RAB3IP: variants seen among roughly 807,000 people sequenced by gnomAD.
RAB3IP encodes the protein rab-3A-interacting protein.
RAB3IP carries 36 observed loss-of-function variants against 59.1 expected under a neutral mutation model. That is an observed-to-expected ratio of 0.61 (90% CI 0.47 to 0.80). The LOEUF (loss-of-function observed/expected upper bound fraction) is 0.80, where lower values mean the gene tolerates loss of function less well. Among genes scored for constraint, RAB3IP ranks in the 30% least tolerant of loss-of-function variants. RAB3IP has a pLI of 0.00. For synonymous variants in RAB3IP, 207 were observed against 191.2 expected, an observed-to-expected ratio of 1.08 and a Z score of -0.68; for missense variants, 511 against 536.0, an observed-to-expected ratio of 0.95 and a Z score of 0.46.
intron 3 of RAB3IP, among the ~76,000 whole-genome samples, chr12:69,757,074 G>A (rs1870349588): frequency 6.6e-6 from 1 of 152,128 alleles, no homozygotes; most frequent in African/African-American, 2.4e-5. Flanking sequence ...AATATTTTCT[G>A]TATCTTACCT....
chr12:69,764,579 G>A (rs1871897357), intron 3 of RAB3IP, among the ~76,000 whole-genome samples: 2 of 151,658 alleles, frequency 1.3e-5, no homozygotes, highest in Non-Finnish European at 2.9e-5. Context: ...AAGTAATATG[G>A]TACCTCTGAC....
intron 8 of RAB3IP, among the ~76,000 whole-genome samples, chr12:69,805,169 C>A (rs1015205060): frequency 6.6e-6 from 1 of 152,160 alleles, no homozygotes; most frequent in Admixed American, 6.5e-5. Flanking sequence ...TCTTTTATTT[C>A]ATTGAGCAGT....
chr12:69,764,424 G>A (rs1871866331), intron 3 of RAB3IP, among the ~76,000 whole-genome samples: 1 of 152,034 alleles, frequency 6.6e-6, no homozygotes, highest in Non-Finnish European at 1.5e-5. Flanking sequence ...GCTTATTTTT[G>A]TTGATTTTTG....
chr12:69,768,046 G>A (rs761080661), intron 3 of RAB3IP, among the ~76,000 whole-genome samples: 12 of 152,178 alleles, frequency 7.9e-5, no homozygotes, highest in Non-Finnish European at 1.3e-4. Context: ...CACAGGAAGG[G>A]TGGTGGAGCA....
At chr12:69,765,757 C>CT (rs1443985676) in intron 3 of RAB3IP, among the ~76,000 whole-genome samples, 17 of 152,318 alleles carry the variant, frequency 1.1e-4, no homozygotes, top group African/African-American at 2.9e-4. Flanking sequence ...GAGAGGATCT[C>CT]TAATTTTTGT....
intron 4 of RAB3IP, among the ~76,000 whole-genome samples, chr12:69,788,264 A>G (rs982644176): frequency 1.3e-5 from 2 of 152,134 alleles, no homozygotes; most frequent in South Asian, 2.1e-4. Context: ...ATATACTTAC[A>G]CAAACCAAGA....
intron 1 of RAB3IP, among the ~76,000 whole-genome samples, chr12:69,742,900 A>G (rs1027144688): frequency 7.9e-5 from 12 of 152,366 alleles, no homozygotes; most frequent in Non-Finnish European, 1.5e-4. Flanking sequence ...ATATAGGGCA[A>G]CACGAAATTA....
At chr12:69,798,851 A>G (rs1311876955) in intron 6 of RAB3IP, among the ~76,000 whole-genome samples, 1 of 152,200 alleles carries the variant, frequency 6.6e-6, no homozygotes, top group African/African-American at 2.4e-5. Flanking sequence ...ATAAATCAAT[A>G]TATGTTGGGA....
intron 3 of RAB3IP, among the ~76,000 whole-genome samples, chr12:69,760,579 C>T (rs969133879): frequency 2.0e-5 from 3 of 151,924 alleles, no homozygotes; most frequent in Non-Finnish European, 4.4e-5. Flanking sequence ...CATCCTTTTA[C>T]ATTTTTGTTG....
At chr12:69,793,485 A>T (rs1467570493) in intron 4 of RAB3IP, among the ~76,000 whole-genome samples, 1 of 152,176 alleles carries the variant, frequency 6.6e-6, no homozygotes, top group Non-Finnish European at 1.5e-5. Context: ...CCTCTGATAA[A>T]TTGTAAACTA....
At chr12:69,793,001 A>G (rs1318405878) in intron 4 of RAB3IP, among the ~76,000 whole-genome samples, 2 of 152,192 alleles carry the variant, frequency 1.3e-5, no homozygotes, top group Non-Finnish European at 2.9e-5. Context: ...TTAAAATGTT[A>G]CTTATCTTGA....
chr12:69,797,469 TTTTC>T lies in RAB3IP; in HGVS notation c.888+2133_888+2136del, dbSNP rs1251507514. 2.9e-5 allele frequency among the ~76,000 whole-genome samples: 4 copies of T among 136,442 alleles called. No homozygotes were observed. In the East Asian group the frequency reaches 8.1e-4, roughly 28 times the overall value. The allele number at this position is 136,442 out of a possible 152,430, so 89.5% of individuals were successfully genotyped here. A position where few individuals can be genotyped will look rare whatever the true frequency, so the allele number is the denominator to read the frequency against. ...TGCTTTGGGGTTTATGTCCTTTTTCTTTTCTTTCTTTTTTTTTTTTTTTTTTTTT... is the reference window on the plus strand; with the variant it reads ...TGCTTTGGGGTTTATGTCCTTTTTCTTTTCTTTTTTTTTTTTTTTTTTTTT... On this transcript the variant is annotated intron_variant, in intron 6 of 10. Coordinates refer to ENST00000247833, the MANE Select transcript of RAB3IP (RefSeq NM_022456.5).
At chr12:69,784,553 G>A (rs897179574) in intron 3 of RAB3IP, among the ~76,000 whole-genome samples, 167 bp from the exon 4 acceptor site, 1 of 151,712 alleles carries the variant, frequency 6.6e-6, no homozygotes, top group Non-Finnish European at 1.5e-5. Context: ...TTTTGGACTT[G>A]CCTGATTGTC....
At chr12:69,750,196 A>T (rs1196406072) in intron 1 of RAB3IP, among the ~76,000 whole-genome samples, 1 of 152,186 alleles carries the variant, frequency 6.6e-6, no homozygotes, top group Non-Finnish European at 1.5e-5. Context: ...TAAGTGCTCA[A>T]CGAATACTAG....
intron 4 of RAB3IP, among the ~76,000 whole-genome samples, chr12:69,793,495 A>G (rs955306143): frequency 7.2e-5 from 11 of 152,166 alleles, no homozygotes; most frequent in African/African-American, 2.4e-4. Context: ...ATTGTAAACT[A>G]AAGTTCTAAA....
At chr12:69,804,930 G>C in intron 8 of RAB3IP, among the ~76,000 whole-genome samples, 1 of 152,206 alleles carries the variant, frequency 6.6e-6, no homozygotes, top group Non-Finnish European at 1.5e-5. Flanking sequence ...CAGGTAGCGT[G>C]ATGCCTCCAG....
chr12:69,794,741 G>C (rs1192972110), intron 5 of RAB3IP, among the ~76,000 whole-genome samples: 1 of 152,112 alleles, frequency 6.6e-6, no homozygotes, highest in East Asian at 1.9e-4. Flanking sequence ...TAAATCACAT[G>C]AATTATCCAA....
chr12:69,781,005 C>T (rs1268889760), intron 3 of RAB3IP, among the ~76,000 whole-genome samples: 2 of 152,156 alleles, frequency 1.3e-5, no homozygotes, highest in Non-Finnish European at 2.9e-5. Context: ...TCACTGTGTT[C>T]ATAAATGTAC....
chr12:69,759,143 T>G (rs1252416229), intron 3 of RAB3IP, among the ~76,000 whole-genome samples: 2 of 145,232 alleles, frequency 1.4e-5, no homozygotes, highest in African/African-American at 5.0e-5. Flanking sequence ...CCTTCCGCAG[T>G]GTTTGTGTCC....
Sources: gnomAD v4.1 joint callset for allele counts (sites outside exome capture counted in the v4.1 genomes callset) on GRCh38, gnomAD v4.1.1 for gene constraint, MANE v1.5 for transcripts, NCBI Gene and HGNC (gene_info 2026-07-23, HGNC 2026-07-21) for gene names.